The following TMEM30A variants were observed in gnomAD, a reference collection of about 807,000 sequenced individuals.
TMEM30A encodes cell division cycle 50 P4-ATPase accessory subunit A.
A neutral mutation model predicts 38.2 loss-of-function variants in TMEM30A; 24 were observed. That is an observed-to-expected ratio of 0.63 (90% CI 0.46 to 0.88). The LOEUF (loss-of-function observed/expected upper bound fraction) is 0.88, where lower values mean the gene tolerates loss of function less well. Ranked by LOEUF, TMEM30A falls within the 40% of genes least tolerant of loss-of-function variation. The probability of loss-of-function intolerance (pLI) is 0.00; values close to 1 mark genes in which losing one functional copy is unlikely to be tolerated. For synonymous variants in TMEM30A, 145 were observed against 161.6 expected, an observed-to-expected ratio of 0.90 and a Z score of 0.78; for missense variants, 370 against 458.6, an observed-to-expected ratio of 0.81 and a Z score of 1.77.
intron 3 of TMEM30A, among the ~76,000 whole-genome samples, chr6:75,264,479 T>C (rs1024043766): frequency 4.0e-5 from 6 of 151,744 alleles, no homozygotes; most frequent in African/African-American, 1.2e-4. Context: ...CTACTAAAAA[T>C]ACAAAAATTA....
chr6:75,269,410 A>G (rs573820212), intron 1 of TMEM30A, among the ~76,000 whole-genome samples: 25 of 152,248 alleles, frequency 1.6e-4, no homozygotes, highest in Non-Finnish European at 3.2e-4. Flanking sequence ...TACCCTTTTC[A>G]GATTGGTTTC....
At chr6:75,273,484 TAA>T (rs74328863) in intron 1 of TMEM30A, among the ~76,000 whole-genome samples, 1,622 of 139,990 alleles carry the variant, frequency 0.012, 30 homozygotes, top group Middle Eastern at 0.033. Context: ...ATATTTTTAT[TAA>T]AAAAAAAAAA....
At chr6:75,279,179 C>A (rs1309608154) in intron 1 of TMEM30A, among the ~76,000 whole-genome samples, 1 of 152,032 alleles carries the variant, frequency 6.6e-6, no homozygotes, top group African/African-American at 2.4e-5. Context: ...CCCACTATTC[C>A]CAGAGATGCA....
chr6:75,267,738 G>C lies in TMEM30A; in HGVS notation c.248C>G (p.Thr83Ser). Residue 83 changes from threonine to serine, a missense_variant, in exon 2 of 7, where the codon ACC becomes AGC. By Grantham distance (58) the Thr-to-Ser change is moderately conservative (BLOSUM62 1). Transcript: ENST00000230461. ...NNIREIEIDY[T>S]GTEPSSPCNK... ...ACAGGGACTGGAAGGCTCTGTTCCG[G>C]TATAATCAATCTGCAAGAGAAAAAT... is the stretch of plus-strand genomic sequence containing the variant. The C allele has an allele frequency of 6.3e-7, 1 of 1,593,216 alleles. No homozygotes were observed. Among genetic ancestry groups the C allele is most frequent in the South Asian group, 1.1e-5 (1 of 87,450 alleles).
intron 2 of TMEM30A, 25 bp from the exon 3 acceptor site, chr6:75,265,363 T>A (rs541949767): frequency 1.4e-6 from 2 of 1,411,450 alleles, no homozygotes; most frequent in Non-Finnish European, 2.0e-6. Context: ...AGGGAAAAAA[T>A]TTTCATATAA....
rs1280639563 is a variant in TMEM30A, at chr6:75,284,551, T to C, written c.88A>G (p.Asn30Asp). ...GGTAKTRRPD[N>D]TAFKQQRLPA... is the part of the protein sequence containing the mutation. ...AGCCGTTGCTGTTTGAAGGCCGTGT[T>C]ATCCGGTCTCCGAGTCTTCGCGGTG... is the stretch of plus-strand genomic sequence containing the variant. Residue 30 changes from asparagine (N) to aspartate (D), a missense_variant, in exon 1 of 7, where the codon AAC becomes GAC. By Grantham distance (23) the Asn-to-Asp change is conservative (BLOSUM62 1). Transcript: ENST00000230461. The C allele has an allele frequency of 6.2e-7, 1 of 1,612,874 alleles. No homozygotes were observed. Among genetic ancestry groups the C allele is most frequent in the African/African-American group, 1.3e-5 (1 of 74,900 alleles).
intron 2 of TMEM30A, among the ~76,000 whole-genome samples, chr6:75,266,365 G>C (rs1481564778): frequency 1.3e-5 from 2 of 151,780 alleles, no homozygotes; most frequent in Non-Finnish European, 1.5e-5. Flanking sequence ...TGGAAGAGAG[G>C]GAATATCAAA....
intron 1 of TMEM30A, among the ~76,000 whole-genome samples, chr6:75,279,016 C>T (rs558704864): frequency 1.3e-3 from 190 of 151,846 alleles, no homozygotes; most frequent in Middle Eastern, 3.4e-3. Context: ...ATATTCTTGC[C>T]TGTGCCACTC....
chr6:75,284,586 G>A lies in TMEM30A; in HGVS notation c.53C>T (p.Ala18Val), dbSNP rs1357893221. The part of the protein sequence containing the change: ...KDEVDGGPPC[A>V]PGGTAKTRRP... ...CCGAGTCTTCGCGGTGCCCCCCGGA[G>A]CACACGGGGGCCCACCGTCCACTTC... Residue 18 changes from alanine to valine, a missense_variant, in exon 1 of 7, where the codon GCT becomes GTT. Physicochemically the swap from Ala to Val is moderately conservative, Grantham distance 64 (BLOSUM62 0). Transcript: ENST00000230461. The A allele has an allele frequency of 3.1e-6, 5 of 1,613,600 alleles. No homozygotes were observed. The highest frequency in any genetic ancestry group is 2.2e-5 in the East Asian group (1 of 44,874).
At chr6:75,277,163 C>T (rs576025890) in intron 1 of TMEM30A, among the ~76,000 whole-genome samples, 7 of 152,144 alleles carry the variant, frequency 4.6e-5, no homozygotes, top group African/African-American at 1.4e-4. Context: ...GCAATAAGCA[C>T]GGACCCTTCT....
intron 1 of TMEM30A, among the ~76,000 whole-genome samples, chr6:75,279,928 T>G (rs1386001125): frequency 6.6e-6 from 1 of 152,172 alleles, no homozygotes; most frequent in Non-Finnish European, 1.5e-5. Flanking sequence ...GGTAAATCAT[T>G]TTAAGTATTA....
In TMEM30A at chr6:75,259,074, A is replaced by G. The variant is rs888864186; in HGVS notation, c.686-88T>C. The stretch of plus-strand genomic sequence containing the variant: ...AGAAACGAATAAATTTGGATAATAA[A>G]TAGGGGTTTATTCAAAAGAAGCTTT... On this transcript the variant is annotated intron_variant, in intron 5 of 6. Coordinates refer to ENST00000230461, the MANE Select transcript of TMEM30A (RefSeq NM_018247.4). The G allele has an allele frequency of 1.6e-5, 18 of 1,121,866 alleles. No homozygotes were observed. In the East Asian group the frequency reaches 4.6e-4, roughly 28 times the overall value. 69.5% of individuals were successfully genotyped at this position (1,121,866 alleles called of 1,614,324 possible). A position where few individuals can be genotyped will look rare whatever the true frequency, so the allele number is the denominator to read the frequency against.
intron 2 of TMEM30A, 58 bp from the exon 3 acceptor site, chr6:75,265,396 T>C: frequency 2.0e-6 from 2 of 1,011,642 alleles, no homozygotes; most frequent in Admixed American, 2.6e-5. Flanking sequence ...ATAAACTTAT[T>C]TCATGTGTAC....
At chr6:75,283,673 A>G (rs2149526047) in intron 1 of TMEM30A, among the ~76,000 whole-genome samples, 1 of 152,204 alleles carries the variant, frequency 6.6e-6, no homozygotes, top group South Asian at 2.1e-4. Flanking sequence ...AAACAAAACA[A>G]AACAAGACAA....
chr6:75,275,010 CA>C (rs71002728), intron 1 of TMEM30A, among the ~76,000 whole-genome samples: 109,534 of 124,702 alleles, frequency 0.88, 47,908 homozygotes, highest in East Asian at 0.96. Context: ...GACTCTGTCT[CA>C]AAAAAAAAAA....
At chr6:75,272,425 A>G (rs978325650) in intron 1 of TMEM30A, 5 of 152,204 alleles carry the variant, frequency 3.3e-5, no homozygotes, top group African/African-American at 1.2e-4. Flanking sequence ...ACCTTTCATA[A>G]GCAACTTCCT....
intron 1 of TMEM30A, among the ~76,000 whole-genome samples, chr6:75,280,562 G>C (rs1772339905): frequency 1.3e-5 from 2 of 152,128 alleles, no homozygotes; most frequent in African/African-American, 4.8e-5. Flanking sequence ...GGGATTCAAA[G>C]TTAGTGCTCT....
At chr6:75,270,741 T>C (rs1007694166) in intron 1 of TMEM30A, among the ~76,000 whole-genome samples, 3 of 152,216 alleles carry the variant, frequency 2.0e-5, no homozygotes, top group Non-Finnish European at 2.9e-5. Context: ...TTAGTGGCTT[T>C]TTAAAAGTCA....
At chr6:75,259,924 A>G (rs557380707) in intron 4 of TMEM30A, among the ~76,000 whole-genome samples, 7 of 152,316 alleles carry the variant, frequency 4.6e-5, no homozygotes, top group African/African-American at 1.4e-4. Flanking sequence ...AGTATGTTCT[A>G]TAAGTGTACA....
Sources: allele counts gnomAD v4.1 joint callset (sites outside exome capture counted in the v4.1 genomes callset), GRCh38; gene constraint gnomAD v4.1.1; transcripts MANE v1.5; gene names NCBI Gene and HGNC (gene_info 2026-07-23, HGNC 2026-07-21).